DNAH5: variants seen among roughly 807,000 people sequenced by gnomAD.
DNAH5 encodes dynein axonemal heavy chain 5, also known as axonemal beta dynein heavy chain 5.
A neutral mutation model predicts 518.2 loss-of-function variants in DNAH5; 372 were observed. The ratio of observed to expected loss-of-function variants is 0.72; its 90% CI spans 0.66 to 0.78. The LOEUF (loss-of-function observed/expected upper bound fraction) is 0.78, where lower values mean the gene tolerates loss of function less well. DNAH5 is among the 30% of genes least tolerant of loss of function. DNAH5 has a pLI of 0.00. For missense variants in DNAH5, 5,523 were observed against 5,687.0 expected, an observed-to-expected ratio of 0.97 and a Z score of 0.93; for synonymous variants, 2,039 against 2,025.9, an observed-to-expected ratio of 1.01 and a Z score of -0.17.
At chr5:13,959,201 C>A (rs989014190) in intron 1 of DNAH5, among the ~76,000 whole-genome samples, 1 of 152,236 alleles carries the variant, frequency 6.6e-6, no homozygotes. Flanking sequence ...CCCGCCTCAG[C>A]CTCCCAAAAT....
intron 13 of DNAH5, among the ~76,000 whole-genome samples, chr5:13,901,774 G>C (rs573300713): frequency 6.6e-6 from 1 of 152,164 alleles, no homozygotes; most frequent in South Asian, 2.1e-4. Flanking sequence ...AACTTGGGAA[G>C]ACATTTTTCA....
At chr5:13,860,832 T>A (rs1302139334) in intron 29 of DNAH5, among the ~76,000 whole-genome samples, 1 of 152,224 alleles carries the variant, frequency 6.6e-6, no homozygotes, top group African/African-American at 2.4e-5. Context: ...CTCTTTCTTA[T>A]CCCTTCATGG....
intron 3 of DNAH5, among the ~76,000 whole-genome samples, chr5:13,924,110 A>G (rs7721634): frequency 0.65 from 98,163 of 151,988 alleles, 31,859 homozygotes; most frequent in East Asian, 0.88. Context: ...TAGGTGGCAG[A>G]GCCAAGGTCG....
At chr5:13,797,782 T>C (rs953091628) in intron 47 of DNAH5, among the ~76,000 whole-genome samples, 2 of 152,090 alleles carry the variant, frequency 1.3e-5, no homozygotes, top group Non-Finnish European at 2.9e-5. Flanking sequence ...CTATTCACAA[T>C]AGCAAAGACT....
At chr5:13,778,539 G>GAAGAAAGA (rs397996833) in intron 53 of DNAH5, among the ~76,000 whole-genome samples, 3,595 of 73,776 alleles carry the variant, frequency 0.049, 219 homozygotes, top group East Asian at 0.065. Flanking sequence ...GAGAGAGAGA[G>GAAGAAAGA]AAGAAAGAAA....
In DNAH5 at chr5:13,808,965, A is replaced by G. The variant is rs183717932; in HGVS notation, c.7752+79T>C. The G allele has an allele frequency of 1.1e-5, 17 of 1,557,916 alleles. No individual in the cohort carries two copies. In the African/African-American group the frequency reaches 2.0e-4, roughly 19 times the overall value. ...ACAGAGTGAGACTCCGTCTCAGTAA[A>G]TAACTAAATAAATAAATGCAGGATG... On this transcript the variant is annotated intron_variant, in intron 46 of 78. Transcript: ENST00000265104.
chr5:13,904,803 C>T (rs1028596065), intron 12 of DNAH5, among the ~76,000 whole-genome samples: 1 of 151,840 alleles, frequency 6.6e-6, no homozygotes, highest in African/African-American at 2.4e-5. Flanking sequence ...CTCAACTACT[C>T]GGGAGGCTGA....
intron 75 of DNAH5, among the ~76,000 whole-genome samples, chr5:13,713,464 T>TATATATATATAC (rs1554018872): frequency 2.5e-5 from 3 of 118,768 alleles, no homozygotes; most frequent in African/African-American, 1.2e-4. Flanking sequence ...TATATATATA[T>TATATATATATAC]ATACACACAC....
chr5:13,904,932 G>T (rs1420764827), intron 12 of DNAH5, among the ~76,000 whole-genome samples: 1 of 151,518 alleles, frequency 6.6e-6, no homozygotes, highest in Non-Finnish European at 1.5e-5. Context: ...GAAAATGAAA[G>T]AAAGAAAGAA....
chr5:13,973,668 T>C (rs1470996207), intron 1 of DNAH5, among the ~76,000 whole-genome samples: 5 of 151,160 alleles, frequency 3.3e-5, no homozygotes, highest in African/African-American at 9.8e-5. Context: ...TATAGTCATA[T>C]AGAGAGATAT....
At chr5:13,715,364 A>C (rs2243726) in intron 74 of DNAH5, among the ~76,000 whole-genome samples, 59,355 of 151,860 alleles carry the variant, frequency 0.39, 11,663 homozygotes, top group South Asian at 0.44. Context: ...ACCTCAAATA[A>C]ACTGTGAGAT....
Position 13,889,096 on chromosome 5 carries a change from A to G in DNAH5, c.2577+1880T>C, listed in dbSNP as rs1402338441. Among the ~76,000 whole-genome samples the G allele has an allele frequency of 5.3e-5, 8 of 152,240 alleles. No homozygotes were observed. The East Asian group carries it at 1.5e-3, about 29-fold the overall frequency. On this transcript the variant is annotated intron_variant, in intron 17 of 78. Transcript: ENST00000265104. ...GAGTAGAGATCGCCACTTTATTAAAAAGCTTAAAATGCATTAATATTATAA... is the reference window on the plus strand; with the variant it reads ...GAGTAGAGATCGCCACTTTATTAAAGAGCTTAAAATGCATTAATATTATAA...
Position 13,924,968 on chromosome 5 carries a change from A to T in DNAH5, c.278-1528T>A, listed in dbSNP as rs563921255. Among the ~76,000 whole-genome samples the T allele has an allele frequency of 1.0e-3, 157 of 152,240 alleles. 2 individuals carry two copies. In the Middle Eastern group the frequency reaches 0.02, roughly 20 times the overall value. Reference sequence around the variant, plus strand: ...CAATCAGGATCACTGCAGTGGGAGGATGGCGCTAATGGTGGACTTTGGGAT... The same window carrying T: ...CAATCAGGATCACTGCAGTGGGAGGTTGGCGCTAATGGTGGACTTTGGGAT... On this transcript the variant is annotated intron_variant, in intron 3 of 78. Coordinates refer to ENST00000265104, the MANE Select transcript of DNAH5 (RefSeq NM_001369.3).
At chr5:13,866,042 G>A in intron 26 of DNAH5, 136 bp from the exon 27 acceptor site, 1 of 880,060 alleles carries the variant, frequency 1.1e-6, no homozygotes, top group Non-Finnish European at 1.8e-6. Flanking sequence ...TACTAAGTTG[G>A]CATAATTAAT....
rs1185708782 is a variant in DNAH5 at position 13,829,611 on chromosome 5, T to C, written c.6343A>G (p.Ile2115Val). 3 of 1,614,180 alleles carry C rather than the reference T, an allele frequency of 1.9e-6. No individual in the cohort carries two copies. Among genetic ancestry groups the C allele is most frequent in the Admixed American group, 3.3e-5 (2 of 60,024 alleles). ...CCACAACTAGCCAACTTCACCCTTA[T>C]GATAATCTGACGGTCAGGCACCATC... ...AMMVPDRQIIIRVKLASCGFI... is the reference protein window; with the variant it reads ...AMMVPDRQIIVRVKLASCGFI... The change falls in exon 38 of 79, where the codon ATA becomes GTA. Residue 2115 changes from isoleucine to valine, a missense_variant. By Grantham distance (29) the Ile-to-Val change is conservative. Coordinates refer to ENST00000265104, the MANE Select transcript of DNAH5 (RefSeq NM_001369.3).
intron 1 of DNAH5, 140 bp downstream of exon 1, chr5:13,944,242 G>T: frequency 2.4e-6 from 2 of 842,232 alleles, no homozygotes; most frequent in Non-Finnish European, 4.0e-6. Context: ...TGCACCAGGT[G>T]AACATTAGTT....
At chr5:14,007,825 A>G (rs1784821736) in intron 1 of DNAH5, among the ~76,000 whole-genome samples, 1 of 152,232 alleles carries the variant, frequency 6.6e-6, no homozygotes, top group Non-Finnish European at 1.5e-5. Context: ...AATGAATGTT[A>G]GGAGAGCTCC....
rs369822181 is a variant in DNAH5 at position 13,781,690 on chromosome 5, G to A, written c.8821-731C>T. The stretch of plus-strand genomic sequence containing the variant: ...TAAGAAGTGCCTTTCGCCTCCCACC[G>A]TGATTCTGAGGCCTCTTCAGCCATG... On this transcript the variant is annotated intron_variant, in intron 52 of 78. Coordinates refer to ENST00000265104, the MANE Select transcript of DNAH5 (RefSeq NM_001369.3). 2.1e-4 allele frequency among the ~76,000 whole-genome samples: 32 copies of A among 152,134 alleles called. No homozygotes were observed. In the South Asian group the frequency reaches 2.3e-3, roughly 11 times the overall value.
chr5:13,988,619 T>C (rs1292424060), intron 1 of DNAH5, among the ~76,000 whole-genome samples: 4 of 151,892 alleles, frequency 2.6e-5, no homozygotes, highest in African/African-American at 9.7e-5. Context: ...GGTTTCACCA[T>C]ATTGGCCAGG....
Sources: gnomAD v4.1 joint callset for allele counts (sites outside exome capture counted in the v4.1 genomes callset) on GRCh38, gnomAD v4.1.1 for gene constraint, MANE v1.5 for transcripts, NCBI Gene and HGNC (gene_info 2026-07-23, HGNC 2026-07-21) for gene names.